The following LYPLAL1 variants were observed in gnomAD, a reference collection of about 807,000 sequenced individuals.
The protein encoded by LYPLAL1 is lysophospholipase-like protein 1.
A neutral mutation model predicts 19.7 loss-of-function variants in LYPLAL1; 23 were observed. The ratio of observed to expected loss-of-function variants is 1.17; its 90% CI spans 0.84 to 1.65. LYPLAL1 has a LOEUF of 1.65. Ranked by LOEUF, LYPLAL1 falls within the 40% of genes most tolerant of loss-of-function variation. The pLI is 0.00. For synonymous variants in LYPLAL1, 119 were observed against 96.3 expected (o/e 1.24, Z -1.38); for missense variants, 355 against 279.4 (o/e 1.27, Z -1.93).
the LYPLAL1 span, among the ~76,000 whole-genome samples, chr1:219,278,210 C>T: frequency 6.6e-6 from 1 of 152,160 alleles, no homozygotes; most frequent in Non-Finnish European, 1.5e-5. Context: ...TACCCCTGGA[C>T]TCTTTTCCAT....
chr1:219,351,230 C>T, the LYPLAL1 span, among the ~76,000 whole-genome samples: 6 of 151,954 alleles, frequency 3.9e-5, no homozygotes, highest in East Asian at 1.2e-3. Context: ...CAGACTTACA[C>T]ACATATACAC....
At chr1:219,236,165 A>G in the LYPLAL1 span, among the ~76,000 whole-genome samples, 2 of 152,238 alleles carry the variant, frequency 1.3e-5, no homozygotes, top group Non-Finnish European at 2.9e-5. Context: ...GATTCTATAC[A>G]TTTAGGAGCA....
At chr1:219,411,146 A>G in the LYPLAL1 span, among the ~76,000 whole-genome samples, 9 of 116,224 alleles carry the variant, frequency 7.7e-5, no homozygotes, top group East Asian at 6.1e-4. Flanking sequence ...GAGTCTTTAT[A>G]TCTAGCTCAG....
At chr1:219,251,707 A>T in the LYPLAL1 span, among the ~76,000 whole-genome samples, 1 of 152,028 alleles carries the variant, frequency 6.6e-6, no homozygotes, top group South Asian at 2.1e-4. Context: ...GAAGTTGCAT[A>T]ATGTGATGCC....
chr1:219,354,820 A>T, the LYPLAL1 span, among the ~76,000 whole-genome samples: 8 of 152,194 alleles, frequency 5.3e-5, no homozygotes, highest in Non-Finnish European at 1.0e-4. Context: ...TTATAAAAAA[A>T]ATTGAAGAGT....
the LYPLAL1 span, among the ~76,000 whole-genome samples, chr1:219,413,112 CAT>C: frequency 2.6e-5 from 4 of 151,664 alleles, no homozygotes; most frequent in African/African-American, 7.3e-5. Context: ...TAATGGAACT[CAT>C]GTGTTGAAGA....
chr1:219,422,673 C>CAAA, the LYPLAL1 span, among the ~76,000 whole-genome samples: 1 of 152,068 alleles, frequency 6.6e-6, no homozygotes, highest in Middle Eastern at 3.2e-3. Context: ...AAGCCAGGAT[C>CAAA]AACTTAAAAT....
At chr1:219,206,027 G>A (rs773746648) in intron 3 of LYPLAL1, among the ~76,000 whole-genome samples, 1 of 152,114 alleles carries the variant, frequency 6.6e-6, no homozygotes, top group African/African-American at 2.4e-5. Flanking sequence ...AATGGAAGAG[G>A]TGTTGAAATT....
intron 2 of LYPLAL1, among the ~76,000 whole-genome samples, chr1:219,191,413 A>T (rs1237481638): frequency 1.3e-5 from 2 of 151,642 alleles, no homozygotes; most frequent in African/African-American, 4.8e-5. Context: ...AGGATATAAT[A>T]TAGCCATTAA....
At chr1:219,364,308 GTTCTGTTACTTGTAGTCAAAATCATC>G in the LYPLAL1 span, among the ~76,000 whole-genome samples, 6 of 152,120 alleles carry the variant, frequency 3.9e-5, no homozygotes, top group East Asian at 1.2e-3. Flanking sequence ...TGAGTTGAGT[GTTCTGTTACTTGTAGTCAAAATCATC>G]TTAACTCCCA....
the LYPLAL1 span, among the ~76,000 whole-genome samples, chr1:219,314,531 G>A: frequency 5.3e-5 from 8 of 152,060 alleles, no homozygotes; most frequent in East Asian, 3.9e-4. Flanking sequence ...TGCAAGCTCC[G>A]CCTCCCGGGT....
chr1:219,294,924 G>T, the LYPLAL1 span, among the ~76,000 whole-genome samples: 2 of 152,146 alleles, frequency 1.3e-5, no homozygotes, highest in African/African-American at 4.8e-5. Flanking sequence ...CCAATTAAGG[G>T]AATTGTATCT....
chr1:219,188,468 T>C (rs1327495300), intron 2 of LYPLAL1, among the ~76,000 whole-genome samples: 1 of 151,606 alleles, frequency 6.6e-6, no homozygotes, highest in Non-Finnish European at 1.5e-5. Context: ...GCAAAGCCAC[T>C]CAACTAATAA....
At chr1:219,376,323 C>CA in the LYPLAL1 span, among the ~76,000 whole-genome samples, 1 of 152,034 alleles carries the variant, frequency 6.6e-6, no homozygotes, top group Non-Finnish European at 1.5e-5. Flanking sequence ...ACATCATACA[C>CA]AAAAATTAAC....
chr1:219,236,043 A>G, the LYPLAL1 span, among the ~76,000 whole-genome samples: 1 of 152,236 alleles, frequency 6.6e-6, no homozygotes, highest in Admixed American at 6.5e-5. Context: ...AGGAGCATGT[A>G]ATGAAACTTG....
At chr1:219,175,187 T>G in intron 1 of LYPLAL1, 1 of 787,796 alleles carries the variant, frequency 1.3e-6, no homozygotes, top group Non-Finnish European at 1.5e-6. Context: ...GTGGCGGATT[T>G]GGGATTAGAA....
chr1:219,275,144 G>A, the LYPLAL1 span, among the ~76,000 whole-genome samples: 5 of 152,052 alleles, frequency 3.3e-5, no homozygotes, highest in African/African-American at 1.2e-4. Context: ...ATCCAATTTT[G>A]TCTTCTGTAT....
the LYPLAL1 span, among the ~76,000 whole-genome samples, chr1:219,228,457 A>G: frequency 2.0e-5 from 3 of 152,156 alleles, no homozygotes; most frequent in Non-Finnish European, 2.9e-5. Flanking sequence ...TCTCCAATAT[A>G]GAAAACGTTC....
chr1:219,210,704 C>G (rs1481251650), intron 4 of LYPLAL1, 57 bp downstream of exon 4: 1 of 1,495,094 alleles, frequency 6.7e-7, no homozygotes, highest in African/African-American at 1.4e-5. Context: ...CATGTTAAAA[C>G]TAAAGCAAAA....
Sources: gnomAD v4.1 joint callset for allele counts (sites outside exome capture counted in the v4.1 genomes callset) on GRCh38, gnomAD v4.1.1 for gene constraint, MANE v1.5 for transcripts, NCBI Gene and HGNC (gene_info 2026-07-23, HGNC 2026-07-21) for gene names.